The following DGKB variants were observed in gnomAD, a reference collection of about 807,000 sequenced individuals.
DGKB encodes the protein 90 kDa diacylglycerol kinase.
A neutral mutation model predicts 114.3 loss-of-function variants in DGKB; 67 were observed. The observed-to-expected ratio is 0.59, with a 90% CI of 0.48 to 0.72. The LOEUF is 0.72. DGKB is among the 30% of genes least tolerant of loss of function. The pLI is 0.00. For synonymous variants in DGKB, 398 were observed against 323.1 expected, an observed-to-expected ratio of 1.23 and a Z score of -2.49; for missense variants, 907 against 975.2, an observed-to-expected ratio of 0.93 and a Z score of 0.93.
At chr7:14,527,437 A>G (rs1790829034) in intron 20 of DGKB, among the ~76,000 whole-genome samples, 1 of 152,010 alleles carries the variant, frequency 6.6e-6, no homozygotes, top group South Asian at 2.1e-4. Context: ...TTTCTCATTC[A>G]CTGGTGAAAA....
chr7:14,291,121 A>C (rs1191827398), intron 23 of DGKB, among the ~76,000 whole-genome samples: 1 of 148,834 alleles, frequency 6.7e-6, no homozygotes, highest in Non-Finnish European at 1.5e-5. Context: ...CAGCCTATGC[A>C]ACAAAAGCAA....
At position 14,244,522 on chromosome 7, in the gene DGKB, C is replaced by T. The variant is rs141410523; in HGVS notation, c.2123-66371G>A. ...GTACAAAAAGAAAAAAAAAGAAAAA[C>T]AGCAGGGCGTGGTGGCATGTGCCTG... is the stretch of plus-strand genomic sequence containing the variant. On this transcript the variant is annotated intron_variant, in intron 23 of 25. Coordinates refer to ENST00000402815, the MANE Select transcript of DGKB (RefSeq NM_001350709.2). 5.2e-4 allele frequency among the ~76,000 whole-genome samples: 79 copies of T among 151,272 alleles called. 2 individuals are homozygous for T. In the East Asian group the frequency reaches 0.013, roughly 25 times the overall value.
At chr7:14,823,552 C>T (rs1845243197) in intron 2 of DGKB, among the ~76,000 whole-genome samples, 1 of 151,990 alleles carries the variant, frequency 6.6e-6, no homozygotes, top group African/African-American at 2.4e-5. Flanking sequence ...ACTATCCATG[C>T]TTTAAAATGT....
At chr7:14,430,760 T>C (rs1212722138) in intron 21 of DGKB, among the ~76,000 whole-genome samples, 2 of 152,222 alleles carry the variant, frequency 1.3e-5, no homozygotes, top group Non-Finnish European at 2.9e-5. Context: ...TACTTTCACA[T>C]TTCTGAGTAA....
At chr7:14,652,650 G>C (rs1338295448) in intron 13 of DGKB, among the ~76,000 whole-genome samples, 2 of 148,800 alleles carry the variant, frequency 1.3e-5, no homozygotes, top group Non-Finnish European at 3.0e-5. Flanking sequence ...ATTGACAAAT[G>C]GGATCTAATT....
At chr7:14,852,446 C>T in intron 1 of DGKB, among the ~76,000 whole-genome samples, 1 of 65,932 alleles carries the variant, frequency 1.5e-5, no homozygotes. Context: ...TTTCTTCTTG[C>T]TTTGGACTTT....
intron 18 of DGKB, among the ~76,000 whole-genome samples, chr7:14,581,625 G>A (rs1328967781): frequency 6.6e-6 from 1 of 152,172 alleles, no homozygotes; most frequent in African/African-American, 2.4e-5. Flanking sequence ...ATCATTGCAT[G>A]CCTTGAATTA....
At chr7:14,470,335 C>G (rs936159296) in intron 21 of DGKB, among the ~76,000 whole-genome samples, 2 of 151,808 alleles carry the variant, frequency 1.3e-5, no homozygotes, top group Non-Finnish European at 3.0e-5. Flanking sequence ...GTGACATATA[C>G]ACAAGGTAGA....
upstream of DGKB, among the ~76,000 whole-genome samples, chr7:14,904,889 G>T (rs1388520520): frequency 6.6e-6 from 1 of 152,112 alleles, no homozygotes; most frequent in Non-Finnish European, 1.5e-5. Flanking sequence ...CTAGCACATA[G>T]AAATACATTT....
intron 1 of DGKB, among the ~76,000 whole-genome samples, chr7:14,868,552 T>C (rs1587031841): frequency 6.6e-6 from 1 of 152,064 alleles, no homozygotes; most frequent in South Asian, 2.1e-4. Flanking sequence ...GCTAGGCTGG[T>C]CTCGAACTCC....
At chr7:14,203,392 T>C (rs562088014) in intron 23 of DGKB, among the ~76,000 whole-genome samples, 1 of 152,124 alleles carries the variant, frequency 6.6e-6, no homozygotes, top group African/African-American at 2.4e-5. Flanking sequence ...ATTCTTATAC[T>C]CTTCTATTCT....
chr7:14,635,427 G>A (rs1810552079), intron 13 of DGKB, among the ~76,000 whole-genome samples: 2 of 142,632 alleles, frequency 1.4e-5, no homozygotes, highest in Admixed American at 1.4e-4. Context: ...TGGAGACAGA[G>A]GAAGCTCTTA....
intron 21 of DGKB, among the ~76,000 whole-genome samples, chr7:14,462,755 T>C (rs1254777546): frequency 1.3e-5 from 2 of 151,606 alleles, no homozygotes; most frequent in East Asian, 1.9e-4. Context: ...AAATTTCATA[T>C]GGAGCCAAAA....
chr7:14,577,642 C>A (rs1274822516), intron 19 of DGKB, among the ~76,000 whole-genome samples: 1 of 151,910 alleles, frequency 6.6e-6, no homozygotes, highest in African/African-American at 2.4e-5. Context: ...GTCCAATTTA[C>A]AACTATTACT....
chr7:14,440,744 G>C (rs1177926041), intron 21 of DGKB, among the ~76,000 whole-genome samples: 3 of 152,104 alleles, frequency 2.0e-5, no homozygotes, highest in Non-Finnish European at 4.4e-5. Context: ...ACCTACGAAG[G>C]AAATTGCTGA....
At chr7:14,394,393 A>C (rs879858416) in intron 21 of DGKB, among the ~76,000 whole-genome samples, 1 of 152,158 alleles carries the variant, frequency 6.6e-6, no homozygotes, top group Admixed American at 6.5e-5. Flanking sequence ...ATCCTCATAT[A>C]TTATTGACAA....
At chr7:14,186,491 C>G (rs1320529602) in intron 23 of DGKB, among the ~76,000 whole-genome samples, 1 of 152,112 alleles carries the variant, frequency 6.6e-6, no homozygotes. Context: ...GTAGAACTAC[C>G]ATTTGATCTA....
intron 2 of DGKB, among the ~76,000 whole-genome samples, chr7:14,801,359 A>C (rs1842123400): frequency 6.6e-6 from 1 of 152,128 alleles, no homozygotes; most frequent in South Asian, 2.1e-4. Flanking sequence ...CTCAGCTGAC[A>C]AGGAGTGGAC....
intron 9 of DGKB, among the ~76,000 whole-genome samples, chr7:14,686,526 G>A (rs1420971564): frequency 6.6e-6 from 1 of 152,094 alleles, no homozygotes; most frequent in Non-Finnish European, 1.5e-5. Flanking sequence ...TAATTTCTGA[G>A]CATGTTTTAA....
Sources: allele counts gnomAD v4.1 joint callset (sites outside exome capture counted in the v4.1 genomes callset), GRCh38; gene constraint gnomAD v4.1.1; transcripts MANE v1.5; gene names NCBI Gene and HGNC (gene_info 2026-07-23, HGNC 2026-07-21).